The following S1PR3 variants were observed in gnomAD, a reference collection of about 807,000 sequenced individuals.
S1PR3 encodes the protein sphingosine 1-phosphate receptor 3.
Under a neutral mutation model 13.3 loss-of-function variants are expected in S1PR3, and 12 were observed. The observed-to-expected ratio is 0.90, with a 90% CI of 0.58 to 1.46. S1PR3 has a LOEUF of 1.46. Among genes scored for constraint, S1PR3 ranks in the 40% most tolerant of loss-of-function variants. The probability of loss-of-function intolerance (pLI) is 0.00; values close to 1 mark genes in which losing one functional copy is unlikely to be tolerated. For missense variants in S1PR3, 450 were observed against 501.9 expected (o/e 0.90, Z 0.99); for synonymous variants, 232 against 214.0 (o/e 1.08, Z -0.73).
At position 89,001,104 on chromosome 9, in the gene S1PR3, A is replaced by T; in HGVS notation, c.-97A>T. On this transcript the variant is annotated 5_prime_UTR_variant, in exon 2 of 2. An upstream start codon of the reference 5' UTR is lost. Coordinates refer to ENST00000358157, the MANE Select transcript of S1PR3 (RefSeq NM_005226.4). ...GAGTCTGGCCTGCACGCCTTGCTGA[A>T]TGAAGCCGGAACCTCAGCCCCGCTT... The T allele has an allele frequency of 7.0e-7, 1 of 1,426,516 alleles. No homozygotes were observed. The highest frequency in any genetic ancestry group is 9.6e-7 in the Non-Finnish European group (1 of 1,043,930). The allele number at this position is 1,426,516 out of a possible 1,614,324, so 88.4% of individuals were successfully genotyped here.
At chr9:88,991,360 A>AG, upstream of S1PR3, 1 of 160,342 alleles carries the variant, frequency 6.2e-6, no homozygotes, top group Non-Finnish European at 9.6e-6. This position sits in a 1 kb window ranked among gnomAD's most constrained non-coding sequence, Gnocchi z 4.0. Flanking sequence ...GGACGGGGAG[A>AG]GGGGGGCGGG....
intron 1 of S1PR3, 180 bp from the exon 2 acceptor site, chr9:89,000,874 A>G (rs1383369738): frequency 5.8e-6 from 2 of 344,746 alleles, no homozygotes; most frequent in East Asian, 6.1e-5. Flanking sequence ...ATCGCTTCCC[A>G]TGGTGTCCCC....
At chr9:88,991,279 C>A (rs777596246), upstream of S1PR3, 4 of 1,327,084 alleles carry the variant, frequency 3.0e-6, no homozygotes, top group African/African-American at 1.5e-5. This position sits in a 1 kb window ranked among gnomAD's most constrained non-coding sequence, Gnocchi z 4.0. Context: ...TAGGGGCGGG[C>A]GGGGCGCACG....
chr9:88,993,387 G>A (rs1239406014), intron 1 of S1PR3: 1 of 152,180 alleles, frequency 6.6e-6, no homozygotes, highest in African/African-American at 2.4e-5. Context: ...AGGTTGCCCT[G>A]CTGTAGAACC....
Position 88,991,910 on chromosome 9 carries a change from G to A in S1PR3, c.-148+215G>A, listed in dbSNP as rs141203999. ...ACCGCACCCGGAGCGTTTACAACGG[G>A]CTGGAGCTGAATACCTGGATGAAAG... is the stretch of plus-strand genomic sequence containing the variant. On this transcript the variant is annotated intron_variant, in intron 1 of 1. Coordinates refer to ENST00000358157, the MANE Select transcript of S1PR3 (RefSeq NM_005226.4). The surrounding 1 kb of genome is among the most constrained non-coding windows in gnomAD (Gnocchi z 4.0). 2.2e-5 allele frequency: 35 copies of A among 1,614,118 alleles called. No individual in the cohort carries two copies. Among genetic ancestry groups the A allele is most frequent in the Non-Finnish European group, 2.9e-5 (34 of 1,180,048 alleles).
chr9:88,990,863 A>G (rs550765959), upstream of S1PR3: 29 of 1,034,972 alleles, frequency 2.8e-5, no homozygotes, highest in African/African-American at 4.5e-4. Context: ...GCCTGGGGGT[A>G]GAGCGCGGAG....
Position 89,002,417 on chromosome 9 carries a change from T to C in S1PR3, c.*80T>C. On this transcript the variant is annotated 3_prime_UTR_variant, in exon 2 of 2. Coordinates refer to ENST00000358157, the MANE Select transcript of S1PR3 (RefSeq NM_005226.4). ...TTCCACAGGGGCCCCTCAAGAGCTG[T>C]GACTCGGGAGAGCTACCTTACTTTG... 10 of 1,497,352 alleles carry C rather than the reference T, an allele frequency of 6.7e-6. No homozygotes were observed. Among genetic ancestry groups the C allele is most frequent in the Non-Finnish European group, 9.0e-6 (10 of 1,108,194 alleles). The allele number at this position is 1,497,352 out of a possible 1,614,324, so 92.8% of individuals were successfully genotyped here. A position where few individuals can be genotyped will look rare whatever the true frequency, so the allele number is the denominator to read the frequency against.
In S1PR3 at chr9:89,002,120, G is replaced by A. The variant is rs773806479; in HGVS notation, c.920G>A (p.Arg307Gln). The change falls in exon 2 of 2, where the codon CGG (arginine) becomes CAG (glutamine). Residue 307 changes from arginine (R) to glutamine (Q), a missense_variant. Coordinates refer to ENST00000358157, the MANE Select transcript of S1PR3 (RefSeq NM_005226.4). ...IYTLASKEMR[R>Q]AFFRLVCNCL... ...ACGCTGGCCAGCAAGGAGATGCGGCGGGCCTTCTTCCGTCTGGTCTGCAAC... is the reference window on the plus strand; with the variant it reads ...ACGCTGGCCAGCAAGGAGATGCGGCAGGCCTTCTTCCGTCTGGTCTGCAAC... 2.5e-5 allele frequency: 41 copies of A among 1,613,680 alleles called. No homozygotes were observed. The highest frequency in any genetic ancestry group is 3.1e-5 in the Non-Finnish European group (36 of 1,180,028).
chr9:89,001,211 C>T lies in S1PR3; in HGVS notation c.11C>T (p.Ala4Val), dbSNP rs1825861880. 6.2e-7 allele frequency: 1 copy of T among 1,612,298 alleles called. No homozygotes were observed. The highest frequency in any genetic ancestry group is 8.5e-7 in the Non-Finnish European group (1 of 1,178,756). Residue 4 changes from alanine (A) to valine (V), a missense_variant, in exon 2 of 2, where the codon GCC becomes GTC. Coordinates refer to ENST00000358157, the MANE Select transcript of S1PR3 (RefSeq NM_005226.4). ...TGTGAATGCCAAGTGATGGCAACTG[C>T]CCTCCCGCCGCGTCTCCAGCCGGTG... MAT[A>V]LPPRLQPVRG...
intron 1 of S1PR3, chr9:88,997,395 G>A (rs1477576208): frequency 1.3e-5 from 2 of 152,184 alleles, no homozygotes; most frequent in African/African-American, 2.4e-5. Context: ...ATTCCCGGGA[G>A]CAAGTCCACA....
chr9:89,002,019 G>A lies in S1PR3; in HGVS notation c.819G>A (p.Ala273=), dbSNP rs767938068. 58 of 1,614,050 alleles carry A rather than the reference G, an allele frequency of 3.6e-5. No individual in the cohort carries two copies. The East Asian group carries it at 4.9e-4, about 14-fold the overall frequency. ...TTGATGTGGCCTGCAGGGTGCAGGC[G>A]TGCCCCATCCTCTTCAAGGCTCAGT... is the stretch of plus-strand genomic sequence containing the variant. ...FLIDVACRVQ[A]CPILFKAQWF... Residue 273 remains alanine, a synonymous_variant, in exon 2 of 2, where the codon GCG becomes GCA. Coordinates refer to ENST00000358157, the MANE Select transcript of S1PR3 (RefSeq NM_005226.4).
rs757224414 is a variant in S1PR3, at chr9:89,002,329, T to A, written c.1129T>A (p.Cys377Ser). The change falls in exon 2 of 2, where the codon TGC (cysteine) becomes AGC (serine). Residue 377 changes from cysteine (C) to serine (S), a missense_variant. Coordinates refer to ENST00000358157, the MANE Select transcript of S1PR3 (RefSeq NM_005226.4). ...KNAALQNGIFCN is the reference protein window; with the variant it reads ...KNAALQNGIFSN ...CGCAGCACTTCAGAATGGGATCTTC[T>A]GCAACTGATCGTCTCCATGCGCCCT... is the stretch of plus-strand genomic sequence containing the variant. The A allele has an allele frequency of 6.2e-7, 1 of 1,613,842 alleles. No homozygotes were observed. The highest frequency in any genetic ancestry group is 8.5e-7 in the Non-Finnish European group (1 of 1,179,788).
chr9:89,004,848 G>A lies in S1PR3; in HGVS notation c.*2511G>A, dbSNP rs1472936304. 6.0e-6 allele frequency: 1 copy of A among 167,038 alleles called. No individual in the cohort carries two copies. Among genetic ancestry groups the A allele is most frequent in the Non-Finnish European group, 1.5e-5 (1 of 68,120 alleles). 10.3% of individuals were successfully genotyped at this position (167,038 alleles called of 1,614,324 possible). ...TAGCCAGCTGGAGATAATTTACCAG[G>A]GAATGTTTCAAAGCCCTAACCTTGA... On this transcript the variant is annotated 3_prime_UTR_variant, in exon 2 of 2. Coordinates refer to ENST00000358157, the MANE Select transcript of S1PR3 (RefSeq NM_005226.4).
At chr9:88,995,439 CCCT>C (rs1338206190) in intron 1 of S1PR3, 6 of 167,082 alleles carry the variant, frequency 3.6e-5, no homozygotes, top group Admixed American at 6.5e-5. Context: ...CTCTGGCTCA[CCCT>C]CCTCCCAGCA....
At position 89,001,250 on chromosome 9, in the gene S1PR3, C is replaced by A. The variant is rs568315707; in HGVS notation, c.50C>A (p.Thr17Asn). Residue 17 changes from threonine (T) to asparagine (N), a missense_variant, in exon 2 of 2, where the codon ACC becomes AAC. By Grantham distance (65) the Thr-to-Asn change is moderately conservative. Transcript: ENST00000358157. ...PRLQPVRGNE[T>N]LREHYQYVGK... is the part of the protein sequence containing the mutation. ...CTCCAGCCGGTGCGGGGGAACGAGA[C>A]CCTGCGGGAGCATTACCAGTACGTG... 1.2e-6 allele frequency: 2 copies of A among 1,614,072 alleles called. No individual in the cohort carries two copies. The highest frequency in any genetic ancestry group is 2.2e-5 in the South Asian group (2 of 91,082).
chr9:88,991,361 G>C, upstream of S1PR3: 1 of 1,207,826 alleles, frequency 8.3e-7, no homozygotes, highest in Non-Finnish European at 1.2e-6. The surrounding 1 kb of genome is among the most constrained non-coding windows in gnomAD (Gnocchi z 4.0). Context: ...GACGGGGAGA[G>C]GGGGGCGGGG....
At chr9:88,993,505 T>C (rs930360740) in intron 1 of S1PR3, 3 of 152,212 alleles carry the variant, frequency 2.0e-5, no homozygotes, top group Non-Finnish European at 4.4e-5. Flanking sequence ...GTGCTGTGGG[T>C]TCTATGAAAC....
rs1372858460 is a variant in S1PR3 at position 89,001,523 on chromosome 9, C to T, written c.323C>T (p.Pro108Leu). The change falls in exon 2 of 2, where the codon CCC becomes CTC. Residue 108 changes from proline to leucine, a missense_variant. Transcript: ENST00000358157. The part of the protein sequence containing the change: ...MSGKKTFSLS[P>L]TVWFLREGSM... ...GGCAAGAAGACGTTCAGCCTGTCTC[C>T]CACGGTCTGGTTCCTCAGGGAGGGC... 6.2e-7 allele frequency: 1 copy of T among 1,614,130 alleles called. No homozygotes were observed. The highest frequency in any genetic ancestry group is 2.2e-5 in the East Asian group (1 of 44,886).
chr9:89,000,936 G>A (rs1825858276), intron 1 of S1PR3, 118 bp from the exon 2 acceptor site: 2 of 504,906 alleles, frequency 4.0e-6, no homozygotes, highest in Admixed American at 6.7e-5. Context: ...GCAGCCTGAC[G>A]TGGCTAGCCA....
Sources: gnomAD v4.1 joint callset for allele counts on GRCh38, gnomAD v4.1.1 for gene constraint, Gnocchi (gnomAD v3.1) non-coding constraint, MANE v1.5 for transcripts, NCBI Gene and HGNC (gene_info 2026-07-23, HGNC 2026-07-21) for gene names.